ANKRD6: variants seen among roughly 807,000 people sequenced by gnomAD.
The protein encoded by ANKRD6 is ankyrin repeat domain-containing protein 6.
ANKRD6 carries 56 observed loss-of-function variants against 82.3 expected under a neutral mutation model. The observed-to-expected ratio is 0.68, with a 90% CI of 0.55 to 0.85. The LOEUF is 0.85. ANKRD6 is among the 40% of genes least tolerant of loss of function. ANKRD6 has a pLI of 0.00. For synonymous variants in ANKRD6, 347 were observed against 352.1 expected (o/e 0.99, Z 0.16); for missense variants, 852 against 907.6 (o/e 0.94, Z 0.79).
chr6:89,570,049 G>A (rs1789445055), intron 2 of ANKRD6, among the ~76,000 whole-genome samples: 2 of 112,066 alleles, frequency 1.8e-5, no homozygotes, highest in South Asian at 8.1e-4. Flanking sequence ...ACTCGTGTGT[G>A]TGTATGTGTG....
At chr6:89,538,265 T>A (rs1236143348) in intron 1 of ANKRD6, among the ~76,000 whole-genome samples, 2 of 152,210 alleles carry the variant, frequency 1.3e-5, no homozygotes, top group South Asian at 4.1e-4. Context: ...GTTGAAGCAA[T>A]CAGGTCTTTT....
chr6:89,593,919 C>T (rs1795360962), intron 2 of ANKRD6, among the ~76,000 whole-genome samples: 3 of 152,226 alleles, frequency 2.0e-5, no homozygotes, highest in Admixed American at 2.0e-4. Context: ...TGGGAGCCGA[C>T]ATGCTTAGAG....
chr6:89,598,360 G>C (rs2128161189), intron 3 of ANKRD6: 1 of 985,290 alleles, frequency 1.0e-6, no homozygotes, highest in Non-Finnish European at 1.2e-6. Context: ...AGCCATGAAA[G>C]AAGACAAAAA....
chr6:89,489,578 A>G (rs1777784271), intron 1 of ANKRD6, among the ~76,000 whole-genome samples: 1 of 152,236 alleles, frequency 6.6e-6, no homozygotes, highest in Non-Finnish European at 1.5e-5. Context: ...GTCTTCTAGA[A>G]TTCCAGATCA....
chr6:89,437,440 G>T (rs529361014), intron 1 of ANKRD6, among the ~76,000 whole-genome samples: 1 of 152,302 alleles, frequency 6.6e-6, no homozygotes, highest in Non-Finnish European at 1.5e-5. Flanking sequence ...TAGGGCAGAT[G>T]TGGAACTGAA....
At chr6:89,621,745 C>T in intron 9 of ANKRD6, 177 bp from the exon 10 acceptor site, 1 of 633,150 alleles carries the variant, frequency 1.6e-6, no homozygotes, top group South Asian at 1.9e-5. Context: ...CCGTGGTGCC[C>T]AGGACAAGAC....
At chr6:89,459,708 G>T (rs1005573038) in intron 1 of ANKRD6, among the ~76,000 whole-genome samples, 12 of 152,154 alleles carry the variant, frequency 7.9e-5, no homozygotes, top group African/African-American at 2.7e-4. Flanking sequence ...TTGCTGTGTT[G>T]CACAAGTTGG....
In ANKRD6 at chr6:89,632,131, A is replaced by C. The variant is rs1029679478; in HGVS notation, c.*1127A>C. 1 of 152,208 alleles carries C rather than the reference A, an allele frequency of 6.6e-6. No individual in the cohort carries two copies. The highest frequency in any genetic ancestry group is 2.4e-5 in the African/African-American group (1 of 41,452). The allele number at this position is 152,208 out of a possible 1,614,324, so 9.4% of individuals were successfully genotyped here. A position where few individuals can be genotyped will look rare whatever the true frequency, so the allele number is the denominator to read the frequency against. On this transcript the variant is annotated 3_prime_UTR_variant, in exon 16 of 16. Transcript: ENST00000339746. The stretch of plus-strand genomic sequence containing the variant: ...ATATGGGATTTATATTCATCTCCTC[A>C]ATATCCCATGTATGCACAGAAACTT...
At chr6:89,566,261 C>A (rs140499528) in intron 1 of ANKRD6, among the ~76,000 whole-genome samples, 1 of 152,254 alleles carries the variant, frequency 6.6e-6, no homozygotes, top group African/African-American at 2.4e-5. Flanking sequence ...CCCAGCTCTC[C>A]ATCTGTTCCA....
chr6:89,601,854 C>G (rs908901417), intron 3 of ANKRD6: 2 of 152,120 alleles, frequency 1.3e-5, no homozygotes, highest in African/African-American at 4.8e-5. Context: ...GCAGTGCATC[C>G]TTCTTTTAAA....
intron 1 of ANKRD6, among the ~76,000 whole-genome samples, chr6:89,481,000 T>C (rs1776742406): frequency 6.7e-6 from 1 of 150,284 alleles, no homozygotes. Flanking sequence ...TTAAATATTA[T>C]AGGAGCACAC....
At chr6:89,580,041 G>A (rs1168988872) in intron 2 of ANKRD6, among the ~76,000 whole-genome samples, 2 of 152,134 alleles carry the variant, frequency 1.3e-5, no homozygotes, top group Non-Finnish European at 2.9e-5. Flanking sequence ...GAGATGGTGG[G>A]AAATTATTGA....
chr6:89,441,112 A>G (rs941177661), intron 1 of ANKRD6, among the ~76,000 whole-genome samples: 7 of 152,092 alleles, frequency 4.6e-5, no homozygotes, highest in African/African-American at 1.7e-4. Flanking sequence ...CTGTTACTTC[A>G]CTATAGTGGG....
chr6:89,519,705 A>G (rs889924369), intron 1 of ANKRD6, among the ~76,000 whole-genome samples: 1 of 152,248 alleles, frequency 6.6e-6, no homozygotes, highest in Non-Finnish European at 1.5e-5. Context: ...AGCAGCTAGT[A>G]TACCTCTTGG....
intron 1 of ANKRD6, among the ~76,000 whole-genome samples, chr6:89,534,627 C>T (rs1179625037): frequency 6.6e-6 from 1 of 152,134 alleles, no homozygotes; most frequent in African/African-American, 2.4e-5. Context: ...TCTGTTCATG[C>T]AACAAATATT....
At chr6:89,480,265 C>A (rs1173558970) in intron 1 of ANKRD6, among the ~76,000 whole-genome samples, 1 of 152,212 alleles carries the variant, frequency 6.6e-6, no homozygotes, top group African/African-American at 2.4e-5. Context: ...ATGACTCCTG[C>A]ATTCTCCACC....
At chr6:89,442,347 G>T (rs1420136432) in intron 1 of ANKRD6, among the ~76,000 whole-genome samples, 1 of 152,052 alleles carries the variant, frequency 6.6e-6, no homozygotes, top group Non-Finnish European at 1.5e-5. Flanking sequence ...AATCAGGCTG[G>T]GTGAGGTGGC....
chr6:89,545,800 T>C (rs187039393), intron 1 of ANKRD6, among the ~76,000 whole-genome samples: 3 of 152,324 alleles, frequency 2.0e-5, no homozygotes, highest in Admixed American at 2.0e-4. Flanking sequence ...TTAAATGTTC[T>C]GTGTATATTA....
chr6:89,439,315 G>A lies in ANKRD6; in HGVS notation c.-144+5940G>A, dbSNP rs186390326. Among the ~76,000 whole-genome samples the A allele has an allele frequency of 5.9e-5, 9 of 152,252 alleles. No homozygotes were observed. The East Asian group carries it at 1.7e-3, about 29-fold the overall frequency. On this transcript the variant is annotated intron_variant, in intron 1 of 15. Transcript: ENST00000339746. The stretch of plus-strand genomic sequence containing the variant: ...AAACTACTTTAGGCTGCTGGCAATA[G>A]GCTAGGTATGAAACTTATTCCCCCT...
Sources: allele counts gnomAD v4.1 joint callset (sites outside exome capture counted in the v4.1 genomes callset), GRCh38; gene constraint gnomAD v4.1.1; transcripts MANE v1.5; gene names NCBI Gene and HGNC (gene_info 2026-07-23, HGNC 2026-07-21).